The following STK39 variants were observed in gnomAD, a reference collection of about 807,000 sequenced individuals.
STK39 encodes the protein serine/threonine kinase 39.
In STK39, 20 loss-of-function variants were observed where a neutral mutation model predicts 77.8. The observed-to-expected ratio is 0.26, with a 90% CI of 0.18 to 0.37. The LOEUF is 0.37. Ranked by LOEUF, STK39 falls within the 10% of genes least tolerant of loss-of-function variation. The pLI, the probability that STK39 is intolerant of heterozygous loss-of-function variation, is 1.00. For missense variants in STK39, 479 were observed against 656.5 expected (o/e 0.73, Z 2.95); for synonymous variants, 246 against 234.1 (o/e 1.05, Z -0.47).
intron 8 of STK39, among the ~76,000 whole-genome samples, chr2:168,134,512 C>CA (rs34222654): frequency 0.39 from 50,244 of 128,334 alleles, 8,480 homozygotes; most frequent in Admixed American, 0.44. Flanking sequence ...CCCCTTGTTG[C>CA]AAAAAAAAAA....
intron 10 of STK39, among the ~76,000 whole-genome samples, chr2:168,120,690 C>A (rs1017839951): frequency 6.6e-6 from 1 of 152,174 alleles, no homozygotes; most frequent in South Asian, 2.1e-4. Context: ...TTTGCTATAA[C>A]CTGTGCCACT....
intron 10 of STK39, among the ~76,000 whole-genome samples, chr2:168,112,266 C>G (rs540845550): frequency 6.6e-6 from 1 of 152,218 alleles, no homozygotes; most frequent in African/African-American, 2.4e-5. Context: ...ACACTGGACT[C>G]TTGGGACTCC....
chr2:168,022,820 G>C (rs1367872538), intron 14 of STK39, among the ~76,000 whole-genome samples: 1 of 152,200 alleles, frequency 6.6e-6, no homozygotes, highest in African/African-American at 2.4e-5. Context: ...CTGAAGGCAT[G>C]GGAGAAATTA....
chr2:168,171,023 C>A (rs142815150), intron 2 of STK39, among the ~76,000 whole-genome samples: 1 of 152,328 alleles, frequency 6.6e-6, no homozygotes, highest in East Asian at 1.9e-4. Flanking sequence ...GAATTGAACA[C>A]AGTGGCTCCC....
chr2:168,102,078 T>C (rs1439134290), intron 10 of STK39, among the ~76,000 whole-genome samples: 1 of 152,170 alleles, frequency 6.6e-6, no homozygotes, highest in Non-Finnish European at 1.5e-5. Flanking sequence ...GACAGTTGGG[T>C]TGTGTCCACT....
chr2:167,959,052 C>T (rs1289918290), intron 17 of STK39, among the ~76,000 whole-genome samples: 1 of 152,108 alleles, frequency 6.6e-6, no homozygotes, highest in East Asian at 1.9e-4. Context: ...TTCCAAAATC[C>T]TATTTTTGCT....
chr2:168,153,643 G>C (rs993840427), intron 5 of STK39, among the ~76,000 whole-genome samples: 10 of 150,868 alleles, frequency 6.6e-5, no homozygotes, highest in Non-Finnish European at 1.5e-4. Flanking sequence ...ATGGGGTGGG[G>C]GGGGGTTACA....
chr2:168,224,098 A>C (rs989509582), intron 1 of STK39, among the ~76,000 whole-genome samples: 7 of 152,114 alleles, frequency 4.6e-5, no homozygotes, highest in Admixed American at 4.6e-4. Context: ...CATATGTTCT[A>C]TATATAATCA....
chr2:167,975,469 A>T (rs901851571), intron 16 of STK39, among the ~76,000 whole-genome samples: 1 of 152,176 alleles, frequency 6.6e-6, no homozygotes, highest in Non-Finnish European at 1.5e-5. Context: ...CCCCAGGAAA[A>T]GAGATCAACC....
chr2:168,055,815 T>A (rs143663773), intron 14 of STK39, among the ~76,000 whole-genome samples: 1 of 152,358 alleles, frequency 6.6e-6, no homozygotes, highest in East Asian at 1.9e-4. Context: ...AATATACTAA[T>A]GGAAAAATAT....
chr2:168,183,734 C>T (rs1404247992), intron 1 of STK39, among the ~76,000 whole-genome samples: 1 of 152,204 alleles, frequency 6.6e-6, no homozygotes, highest in East Asian at 1.9e-4. Context: ...TCTCACTGCT[C>T]ATCCATCAGC....
chr2:168,140,574 A>C (rs1165301193), intron 6 of STK39, 75 bp downstream of exon 6: 1 of 1,309,358 alleles, frequency 7.6e-7, no homozygotes, highest in Non-Finnish European at 1.1e-6. Context: ...CTAGATACAA[A>C]TGAAATGTTA....
At chr2:168,188,981 T>C (rs1413437286) in intron 1 of STK39, among the ~76,000 whole-genome samples, 3 of 152,222 alleles carry the variant, frequency 2.0e-5, no homozygotes, top group Non-Finnish European at 4.4e-5. Flanking sequence ...CTAAGTGACC[T>C]GGCTTGTGTC....
chr2:168,016,190 A>T (rs936555053), intron 15 of STK39, among the ~76,000 whole-genome samples: 1 of 152,090 alleles, frequency 6.6e-6, no homozygotes, highest in African/African-American at 2.4e-5. Flanking sequence ...AGCCTCTCAA[A>T]GTGCTGGGAT....
At chr2:167,966,374 A>G (rs2105536478) in intron 16 of STK39, among the ~76,000 whole-genome samples, 1 of 152,356 alleles carries the variant, frequency 6.6e-6, no homozygotes, top group South Asian at 2.1e-4. Flanking sequence ...AATTACAGCA[A>G]ATGAACACAG....
At chr2:168,159,107 A>G (rs1688506899) in intron 5 of STK39, among the ~76,000 whole-genome samples, 1 of 152,230 alleles carries the variant, frequency 6.6e-6, no homozygotes, top group Admixed American at 6.5e-5. Context: ...AGGATAGCAA[A>G]AATGCCCTTT....
intron 14 of STK39, among the ~76,000 whole-genome samples, chr2:168,033,081 G>C (rs1684867424): frequency 6.6e-6 from 1 of 152,126 alleles, no homozygotes; most frequent in Non-Finnish European, 1.5e-5. Flanking sequence ...GCCAACATAA[G>C]TACATTCCCA....
chr2:168,190,348 T>C (rs1689308979), intron 1 of STK39, among the ~76,000 whole-genome samples: 1 of 152,210 alleles, frequency 6.6e-6, no homozygotes, highest in African/African-American at 2.4e-5. Context: ...TTCAATGTGT[T>C]ATCTCTAAGT....
intron 1 of STK39, among the ~76,000 whole-genome samples, chr2:168,242,846 T>C (rs1056479226): frequency 2.1e-4 from 31 of 150,576 alleles, no homozygotes; most frequent in African/African-American, 5.1e-4. Flanking sequence ...TGAGGTATGA[T>C]TGCACCACTG....
Sources: allele counts gnomAD v4.1 joint callset (sites outside exome capture counted in the v4.1 genomes callset), GRCh38; gene constraint gnomAD v4.1.1; transcripts MANE v1.5; gene names NCBI Gene and HGNC (gene_info 2026-07-23, HGNC 2026-07-21).